Variants in SYT13 observed in about 807,000 individuals in gnomAD.
SYT13 encodes synaptotagmin-13.
A neutral mutation model predicts 38.6 loss-of-function variants in SYT13; 21 were observed. The observed-to-expected ratio is 0.54, with a 90% CI of 0.39 to 0.78. The LOEUF (loss-of-function observed/expected upper bound fraction) is 0.78, where lower values mean the gene tolerates loss of function less well. SYT13 is among the 30% of genes least tolerant of loss of function. The pLI, the probability that SYT13 is intolerant of heterozygous loss-of-function variation, is 0.00. For synonymous variants in SYT13, 241 were observed against 237.6 expected, an observed-to-expected ratio of 1.01 and a Z score of -0.13; for missense variants, 495 against 548.7, an observed-to-expected ratio of 0.90 and a Z score of 0.98.
At chr11:45,268,500 T>C (rs929084191) in intron 1 of SYT13, among the ~76,000 whole-genome samples, 24 of 152,132 alleles carry the variant, frequency 1.6e-4, no homozygotes, top group African/African-American at 5.6e-4. Context: ...TATGCAGCTT[T>C]ACCATGTATC....
intron 1 of SYT13, among the ~76,000 whole-genome samples, chr11:45,282,136 G>T (rs1077491): frequency 0.32 from 48,027 of 151,964 alleles, 7,743 homozygotes; most frequent in South Asian, 0.4. Context: ...CATCATTCTC[G>T]CTTTGCCTCC....
At chr11:45,269,151 A>G (rs1854919140) in intron 1 of SYT13, among the ~76,000 whole-genome samples, 1 of 152,148 alleles carries the variant, frequency 6.6e-6, no homozygotes, top group Non-Finnish European at 1.5e-5. Flanking sequence ...TGACAGGTAG[A>G]GAAATTGGAG....
intron 1 of SYT13, among the ~76,000 whole-genome samples, chr11:45,268,380 C>A (rs115677077): frequency 0.025 from 1,001 of 39,454 alleles, 12 homozygotes; most frequent in African/African-American, 0.088. Context: ...GTAATGAGGT[C>A]GGTTGAGTGG....
chr11:45,242,064 C>G lies in SYT13; in HGVS notation c.*1988G>C, dbSNP rs1256958935. The G allele has an allele frequency of 6.6e-6, 1 of 152,164 alleles. No homozygotes were observed. Among genetic ancestry groups the G allele is most frequent in the African/African-American group, 2.4e-5 (1 of 41,432 alleles). The allele number at this position is 152,164 out of a possible 1,614,324, so 9.4% of individuals were successfully genotyped here. On this transcript the variant is annotated 3_prime_UTR_variant, in exon 6 of 6. Coordinates refer to ENST00000020926, the MANE Select transcript of SYT13 (RefSeq NM_020826.3). ...GTTATAAGGCTCCTGCTCAGATTCT[C>G]AGGGAGAGGCCAAGTATGACTTGAC...
intron 1 of SYT13, among the ~76,000 whole-genome samples, chr11:45,285,409 T>C (rs962501642): frequency 6.6e-6 from 1 of 152,176 alleles, no homozygotes; most frequent in African/African-American, 2.4e-5. Flanking sequence ...AGCTCAGAGC[T>C]GCTAGGGGGT....
intron 1 of SYT13, 29 bp downstream of exon 1, chr11:45,285,996 G>T: frequency 6.3e-7 from 1 of 1,593,506 alleles, no homozygotes. Flanking sequence ...GCCTTGCCCG[G>T]GAAGGGCCTG....
rs1241678624 is a variant in SYT13 at position 45,283,345 on chromosome 11, C to T, written c.183+2680G>A. Among the ~76,000 whole-genome samples, 5 of 152,246 alleles carry T rather than the reference C, an allele frequency of 3.3e-5. No homozygotes were observed. The East Asian group carries it at 5.8e-4, about 18-fold the overall frequency. On this transcript the variant is annotated intron_variant, in intron 1 of 5. Transcript: ENST00000020926. Reference sequence around the variant, plus strand: ...GCCTTGGACACCTCTGTTGTGATTACAGTCATCTAGACCCCTATTTTCCAG... The same window carrying T: ...GCCTTGGACACCTCTGTTGTGATTATAGTCATCTAGACCCCTATTTTCCAG...
At chr11:45,272,363 A>G (rs779416795) in intron 1 of SYT13, among the ~76,000 whole-genome samples, 2 of 152,186 alleles carry the variant, frequency 1.3e-5, no homozygotes, top group Admixed American at 1.3e-4. Flanking sequence ...AGAAAGAAAG[A>G]AAAAAGCAGA....
At chr11:45,262,973 C>T (rs1019754944) in intron 1 of SYT13, among the ~76,000 whole-genome samples, 2 of 152,114 alleles carry the variant, frequency 1.3e-5, no homozygotes, top group Non-Finnish European at 1.5e-5. Context: ...GGAAGATGAC[C>T]CCTGGAAATC....
intron 1 of SYT13, 38 bp downstream of exon 1, chr11:45,285,987 C>G: frequency 6.3e-7 from 1 of 1,586,568 alleles, no homozygotes; most frequent in East Asian, 2.3e-5. Flanking sequence ...GGCAACCCCG[C>G]CTTGCCCGGG....
intron 1 of SYT13, among the ~76,000 whole-genome samples, chr11:45,257,549 T>C (rs1468584881): frequency 6.6e-6 from 1 of 152,226 alleles, no homozygotes; most frequent in African/African-American, 2.4e-5. Context: ...GATCCTGCAC[T>C]GTGTAGGGGA....
chr11:45,274,283 T>TCACTC (rs1334806572), intron 1 of SYT13, among the ~76,000 whole-genome samples: 1 of 152,352 alleles, frequency 6.6e-6, no homozygotes, highest in African/African-American at 2.4e-5. Context: ...AACCTCACGT[T>TCACTC]CATTCCTTTC....
At position 45,286,234 on chromosome 11, in the gene SYT13, G is replaced by A; in HGVS notation, c.-27C>T. On this transcript the variant is annotated 5_prime_UTR_variant, in exon 1 of 6. Coordinates refer to ENST00000020926, the MANE Select transcript of SYT13 (RefSeq NM_020826.3). ...GTGCCCGCTCCCGGCGAGGGGCTGGGTCCCGCAGCCGCTCACCTTCCCCGG... is the reference window on the plus strand; with the variant it reads ...GTGCCCGCTCCCGGCGAGGGGCTGGATCCCGCAGCCGCTCACCTTCCCCGG... The A allele has an allele frequency of 6.6e-7, 1 of 1,513,556 alleles. No homozygotes were observed. The highest frequency in any genetic ancestry group is 8.8e-7 in the Non-Finnish European group (1 of 1,133,126). The allele number at this position is 1,513,556 out of a possible 1,614,324, so 93.8% of individuals were successfully genotyped here.
At chr11:45,267,504 C>T (rs1854898729) in intron 1 of SYT13, among the ~76,000 whole-genome samples, 1 of 152,110 alleles carries the variant, frequency 6.6e-6, no homozygotes, top group Non-Finnish European at 1.5e-5. Context: ...CTAGGTGGAG[C>T]CTAAGGACGC....
At chr11:45,284,080 C>T (rs77119513) in intron 1 of SYT13, among the ~76,000 whole-genome samples, 7,390 of 152,128 alleles carry the variant, frequency 0.049, 645 homozygotes, top group African/African-American at 0.17. Context: ...TATGAAAGGC[C>T]AGAGAAAAAT....
At chr11:45,260,234 A>C (rs957779351) in intron 1 of SYT13, among the ~76,000 whole-genome samples, 2 of 152,244 alleles carry the variant, frequency 1.3e-5, no homozygotes, top group Non-Finnish European at 2.9e-5. Flanking sequence ...GCCTTTGCCC[A>C]GGCCAAGAGC....
chr11:45,284,808 T>C (rs1322509365), intron 1 of SYT13, among the ~76,000 whole-genome samples: 1 of 152,172 alleles, frequency 6.6e-6, no homozygotes, highest in East Asian at 1.9e-4. Context: ...TATTCCCCTT[T>C]TCCAGATCGT....
At chr11:45,262,819 G>T (rs1037005220) in intron 1 of SYT13, among the ~76,000 whole-genome samples, 1 of 149,886 alleles carries the variant, frequency 6.7e-6, no homozygotes, top group Non-Finnish European at 1.5e-5. Flanking sequence ...TTTATGTTAT[G>T]TTCTTTTACC....
chr11:45,269,507 C>A (rs1854923829), intron 1 of SYT13: 2 of 1,283,058 alleles, frequency 1.6e-6, no homozygotes, highest in South Asian at 2.5e-5. Context: ...GTAACAGATG[C>A]TCTGCAATGC....
Sources: allele counts gnomAD v4.1 joint callset (sites outside exome capture counted in the v4.1 genomes callset), GRCh38; gene constraint gnomAD v4.1.1; transcripts MANE v1.5; gene names NCBI Gene and HGNC (gene_info 2026-07-23, HGNC 2026-07-21).